The following ARMC2 variants were observed in gnomAD, a reference collection of about 807,000 sequenced individuals.
ARMC2 encodes armadillo repeat containing 2.
ARMC2 carries 67 observed loss-of-function variants against 90.3 expected under a neutral mutation model. That is an observed-to-expected ratio of 0.74 (90% CI 0.61 to 0.91). ARMC2 has a LOEUF of 0.91. ARMC2 is among the 40% of genes least tolerant of loss of function. The pLI is 0.00. For synonymous variants in ARMC2, 393 were observed against 393.0 expected (o/e 1.00, Z 0.00); for missense variants, 920 against 1,030.9 (o/e 0.89, Z 1.47).
intron 10 of ARMC2, among the ~76,000 whole-genome samples, chr6:108,920,484 C>A (rs1774448002): frequency 6.6e-6 from 1 of 152,148 alleles, no homozygotes; most frequent in Admixed American, 6.5e-5. Context: ...GCATTTGGGG[C>A]CCAGGTTCTT....
At chr6:108,862,342 C>CA (rs71551359) in intron 3 of ARMC2, among the ~76,000 whole-genome samples, 1,143 of 36,260 alleles carry the variant, frequency 0.032, 54 homozygotes, top group East Asian at 0.069. Context: ...AGACTCATCT[C>CA]AAAAAAAAAA....
chr6:108,883,445 ACT>A (rs1276019876), intron 5 of ARMC2, among the ~76,000 whole-genome samples: 1 of 152,164 alleles, frequency 6.6e-6, no homozygotes, highest in Non-Finnish European at 1.5e-5. Context: ...AAACTAAACA[ACT>A]CTGCTTATGG....
chr6:108,933,078 GT>G (rs199897723), intron 11 of ARMC2, among the ~76,000 whole-genome samples: 68 of 148,858 alleles, frequency 4.6e-4, no homozygotes, highest in South Asian at 1.3e-3. Context: ...TTTTAAAATA[GT>G]TTTTTTTTTT....
intron 10 of ARMC2, among the ~76,000 whole-genome samples, chr6:108,913,456 GCA>G (rs1297307594): frequency 6.6e-6 from 1 of 152,148 alleles, no homozygotes; most frequent in African/African-American, 2.4e-5. Flanking sequence ...CATCAATGAT[GCA>G]CAGTTTTTCT....
At chr6:108,992,912 G>C in the ARMC2 span, 1 of 1,550,248 alleles carries the variant, frequency 6.5e-7, no homozygotes, top group Non-Finnish European at 8.9e-7. Flanking sequence ...GGGAAAAAAG[G>C]CCATTGAAAG....
At chr6:108,911,607 A>G (rs72933353) in intron 9 of ARMC2, among the ~76,000 whole-genome samples, 6 of 152,150 alleles carry the variant, frequency 3.9e-5, no homozygotes, top group African/African-American at 1.4e-4. Flanking sequence ...TTTTTGCAAC[A>G]TAGGATAAAT....
At chr6:108,933,074 AAT>A (rs1364459082) in intron 11 of ARMC2, among the ~76,000 whole-genome samples, 1 of 143,466 alleles carries the variant, frequency 7.0e-6, no homozygotes, top group Non-Finnish European at 1.5e-5. Flanking sequence ...TAAATTTTAA[AAT>A]AGTTTTTTTT....
intron 5 of ARMC2, among the ~76,000 whole-genome samples, chr6:108,883,692 C>G (rs751057367): frequency 6.6e-6 from 1 of 152,100 alleles, no homozygotes; most frequent in Admixed American, 6.6e-5. Context: ...TTGTGAAGAC[C>G]CATTCATCTG....
At chr6:108,945,048 A>T (rs1299062949) in intron 12 of ARMC2, among the ~76,000 whole-genome samples, 2 of 152,164 alleles carry the variant, frequency 1.3e-5, no homozygotes, top group African/African-American at 4.8e-5. Context: ...AGTTAGGTAA[A>T]ATATCTATTA....
At chr6:108,962,381 C>T (rs1778060529) in intron 15 of ARMC2, among the ~76,000 whole-genome samples, 1 of 152,140 alleles carries the variant, frequency 6.6e-6, no homozygotes, top group African/African-American at 2.4e-5. Context: ...TGAGTAATCA[C>T]TTCTGTCTGG....
At chr6:108,952,940 A>T in intron 12 of ARMC2, 93 bp from the exon 13 acceptor site, 1 of 1,186,844 alleles carries the variant, frequency 8.4e-7, no homozygotes, top group Non-Finnish European at 1.2e-6. Flanking sequence ...TTTTACTATT[A>T]ATGCAATTGT....
At chr6:109,036,113 C>T in the ARMC2 span, among the ~76,000 whole-genome samples, 2 of 152,086 alleles carry the variant, frequency 1.3e-5, no homozygotes, top group Non-Finnish European at 1.5e-5. Context: ...AGGACCTTTT[C>T]CTACCAAGGT....
chr6:108,951,738 T>C (rs1246072894), intron 12 of ARMC2, among the ~76,000 whole-genome samples: 1 of 152,266 alleles, frequency 6.6e-6, no homozygotes, highest in Non-Finnish European at 1.5e-5. Context: ...CACCTGGACA[T>C]GCGCTCCTCG....
chr6:109,046,881 G>A, the ARMC2 span, among the ~76,000 whole-genome samples: 2 of 125,774 alleles, frequency 1.6e-5, no homozygotes, highest in African/African-American at 2.9e-5. Context: ...GAGCCCCTCC[G>A]TCCGGCAGCT....
chr6:109,047,460 G>A, the ARMC2 span, among the ~76,000 whole-genome samples: 11 of 132,986 alleles, frequency 8.3e-5, no homozygotes, highest in South Asian at 5.7e-4. Flanking sequence ...CGCCCCATCC[G>A]GGAGGGAGGT....
the ARMC2 span, among the ~76,000 whole-genome samples, chr6:109,031,760 G>T: frequency 6.6e-6 from 1 of 152,282 alleles, no homozygotes; most frequent in East Asian, 1.9e-4. Flanking sequence ...TTTAGAGGAA[G>T]TATAAAGAAG....
At chr6:108,887,117 A>T (rs1393164905) in intron 5 of ARMC2, among the ~76,000 whole-genome samples, 1 of 152,220 alleles carries the variant, frequency 6.6e-6, no homozygotes, top group East Asian at 1.9e-4. Context: ...CATGTTGGCC[A>T]GGCTGGCTGG....
At chr6:108,992,185 A>C in the ARMC2 span, among the ~76,000 whole-genome samples, 1 of 152,132 alleles carries the variant, frequency 6.6e-6, no homozygotes, top group Non-Finnish European at 1.5e-5. Context: ...CGCAGCCTCA[A>C]CCTTCCAGGC....
chr6:109,038,766 G>A, the ARMC2 span, among the ~76,000 whole-genome samples: 1 of 152,256 alleles, frequency 6.6e-6, no homozygotes, highest in South Asian at 2.1e-4. Flanking sequence ...TTAAGTGTAT[G>A]AATGAGGTAA....
Sources: allele counts gnomAD v4.1 joint callset (sites outside exome capture counted in the v4.1 genomes callset), GRCh38; gene constraint gnomAD v4.1.1; transcripts MANE v1.5; gene names NCBI Gene and HGNC (gene_info 2026-07-23, HGNC 2026-07-21).